The following ITGBL1 variants were observed in gnomAD, a reference collection of about 807,000 sequenced individuals.
ITGBL1 encodes integrin beta-like protein 1.
A neutral mutation model predicts 68.5 loss-of-function variants in ITGBL1; 51 were observed. That is an observed-to-expected ratio of 0.74 (90% confidence interval 0.59 to 0.94). The LOEUF (loss-of-function observed/expected upper bound fraction) is 0.94, where lower values mean the gene tolerates loss of function less well. Ranked by LOEUF, ITGBL1 falls within the 40% of genes least tolerant of loss-of-function variation. ITGBL1 has a pLI of 0.00. For synonymous variants in ITGBL1, 209 were observed against 227.3 expected, an observed-to-expected ratio of 0.92 and a Z score of 0.72; for missense variants, 649 against 647.4, an observed-to-expected ratio of 1.00 and a Z score of -0.03.
intron 2 of ITGBL1, among the ~76,000 whole-genome samples, chr13:101,566,394 G>A (rs1296166565): frequency 6.6e-6 from 1 of 152,074 alleles, no homozygotes; most frequent in Admixed American, 6.6e-5. Flanking sequence ...TATTTTGTAG[G>A]GCCAGGCAGG....
At chr13:101,505,561 A>G (rs1286531300) in intron 2 of ITGBL1, among the ~76,000 whole-genome samples, 12 of 152,176 alleles carry the variant, frequency 7.9e-5, no homozygotes, top group Non-Finnish European at 1.5e-5. Flanking sequence ...AATGGATAAA[A>G]CATTTATTGT....
intron 2 of ITGBL1, among the ~76,000 whole-genome samples, chr13:101,463,115 T>C (rs2048339445): frequency 6.6e-6 from 1 of 152,166 alleles, no homozygotes; most frequent in Non-Finnish European, 1.5e-5. Flanking sequence ...GAGTGATTAA[T>C]AAATCACTGG....
chr13:101,587,188 A>G lies in ITGBL1; in HGVS notation c.868+3832A>G, dbSNP rs181003620. Among the ~76,000 whole-genome samples the G allele has an allele frequency of 1.3e-4, 20 of 152,298 alleles. No individual in the cohort carries two copies. The East Asian group carries it at 3.9e-3, about 29-fold the overall frequency. On this transcript the variant is annotated intron_variant, in intron 6 of 10. Coordinates refer to ENST00000376180, the MANE Select transcript of ITGBL1 (RefSeq NM_004791.3). Reference sequence around the variant, plus strand: ...TTCCATTCTCTCCATTTATCTGTTCAATAATGCATTTAAATGTAAATATTT... The same window carrying G: ...TTCCATTCTCTCCATTTATCTGTTCGATAATGCATTTAAATGTAAATATTT...
At chr13:101,546,489 A>G (rs1235887772) in intron 2 of ITGBL1, among the ~76,000 whole-genome samples, 1 of 152,204 alleles carries the variant, frequency 6.6e-6, no homozygotes, top group Non-Finnish European at 1.5e-5. Flanking sequence ...GTAAAGAAAG[A>G]TAATGAAAAC....
intron 2 of ITGBL1, among the ~76,000 whole-genome samples, chr13:101,556,101 T>C (rs1366753133): frequency 6.6e-6 from 1 of 152,184 alleles, no homozygotes; most frequent in Admixed American, 6.5e-5. Flanking sequence ...TTCCATACAT[T>C]TAACAGCTCT....
At chr13:101,578,579 A>G (rs1251881157) in intron 4 of ITGBL1, among the ~76,000 whole-genome samples, 1 of 152,182 alleles carries the variant, frequency 6.6e-6, no homozygotes, top group Admixed American at 6.5e-5. Flanking sequence ...AGTGCAGATG[A>G]GCAGGTAACA....
At chr13:101,527,267 C>T (rs1753773488) in intron 2 of ITGBL1, among the ~76,000 whole-genome samples, 1 of 152,126 alleles carries the variant, frequency 6.6e-6, no homozygotes, top group South Asian at 2.1e-4. Flanking sequence ...CTCCTTCCAT[C>T]AGCCCATAGG....
intron 7 of ITGBL1, among the ~76,000 whole-genome samples, chr13:101,636,183 T>C (rs1053979060): frequency 6.6e-6 from 1 of 152,084 alleles, no homozygotes; most frequent in African/African-American, 2.4e-5. Flanking sequence ...AGATTCCTAA[T>C]GGCAATTCAG....
intron 2 of ITGBL1, among the ~76,000 whole-genome samples, chr13:101,492,715 T>C (rs923163024): frequency 2.6e-5 from 4 of 152,210 alleles, no homozygotes; most frequent in African/African-American, 9.6e-5. Flanking sequence ...AATTCCATTA[T>C]GCAATTCACC....
chr13:101,706,355 C>T (rs1413716020), intron 8 of ITGBL1, among the ~76,000 whole-genome samples: 1 of 152,112 alleles, frequency 6.6e-6, no homozygotes, highest in African/African-American at 2.4e-5. Flanking sequence ...AATAGGAGAA[C>T]AATCAATAAA....
intron 7 of ITGBL1, among the ~76,000 whole-genome samples, chr13:101,643,118 G>A (rs2032443736): frequency 6.6e-6 from 1 of 151,698 alleles, no homozygotes; most frequent in South Asian, 2.1e-4. Context: ...TTGGTAGCTT[G>A]ATGGGGATGG....
chr13:101,463,417 A>G (rs1250105062), intron 2 of ITGBL1, among the ~76,000 whole-genome samples: 1 of 152,064 alleles, frequency 6.6e-6, no homozygotes, highest in Non-Finnish European at 1.5e-5. Context: ...TGAGTCTTGT[A>G]TATGTCTTTG....
At chr13:101,523,289 A>G (rs567893853) in intron 2 of ITGBL1, among the ~76,000 whole-genome samples, 1 of 152,298 alleles carries the variant, frequency 6.6e-6, no homozygotes, top group South Asian at 2.1e-4. Context: ...CCTGGATGAC[A>G]AACACAGAAG....
At position 101,558,911 on chromosome 13, in the gene ITGBL1, ATGTGTG is replaced by A. The variant is rs57018896; in HGVS notation, c.317-8776_317-8771del. 5.3e-5 allele frequency among the ~76,000 whole-genome samples: 8 copies of A among 150,290 alleles called. No individual in the cohort carries two copies. The South Asian group carries it at 1.7e-3, about 32-fold the overall frequency. On this transcript the variant is annotated intron_variant, in intron 2 of 10. Coordinates refer to ENST00000376180, the MANE Select transcript of ITGBL1 (RefSeq NM_004791.3). ...CTTGTGTATTTGTATTTGTGTGTGT[ATGTGTG>A]TGTGTGTGTGTTTATATAACTTTCA...
chr13:101,641,848 T>G (rs997595421), intron 7 of ITGBL1, among the ~76,000 whole-genome samples: 1 of 151,312 alleles, frequency 6.6e-6, no homozygotes, highest in African/African-American at 2.5e-5. Context: ...TTACTGAGAA[T>G]GATGATTTCC....
At chr13:101,498,808 C>G (rs1299104528) in intron 2 of ITGBL1, among the ~76,000 whole-genome samples, 1 of 152,136 alleles carries the variant, frequency 6.6e-6, no homozygotes, top group Non-Finnish European at 1.5e-5. Context: ...TAAAGACGTA[C>G]CTGAGTCTGG....
chr13:101,675,837 T>C (rs919991109), intron 7 of ITGBL1, among the ~76,000 whole-genome samples: 1 of 152,172 alleles, frequency 6.6e-6, no homozygotes, highest in African/African-American at 2.4e-5. Flanking sequence ...GTATCTCTTA[T>C]GCTCCTTTCC....
At chr13:101,719,770 A>C (rs867562925), downstream of ITGBL1, 1 of 152,098 alleles carries the variant, frequency 6.6e-6, no homozygotes, top group African/African-American at 2.4e-5. Flanking sequence ...CAAAACACAC[A>C]GTCTAAATAC....
At chr13:101,547,566 G>A (rs1442466227) in intron 2 of ITGBL1, among the ~76,000 whole-genome samples, 1 of 151,642 alleles carries the variant, frequency 6.6e-6, no homozygotes, top group African/African-American at 2.4e-5. Context: ...GTCTGGGAAG[G>A]GTAGTGGGGA....
Sources: gnomAD v4.1 joint callset for allele counts (sites outside exome capture counted in the v4.1 genomes callset) on GRCh38, gnomAD v4.1.1 for gene constraint, MANE v1.5 for transcripts, NCBI Gene and HGNC (gene_info 2026-07-23, HGNC 2026-07-21) for gene names.